MXI1: variants seen among roughly 807,000 people sequenced by gnomAD.
MXI1 encodes max-interacting protein 1.
A neutral mutation model predicts 36.9 loss-of-function variants in MXI1; 18 were observed. The ratio of observed to expected loss-of-function variants is 0.49; its 90% CI spans 0.34 to 0.72. The LOEUF (loss-of-function observed/expected upper bound fraction) is 0.72. MXI1 is among the 30% of genes least tolerant of loss of function. The probability of loss-of-function intolerance (pLI) is 0.01; values close to 1 mark genes in which losing one functional copy is unlikely to be tolerated. For synonymous variants in MXI1, 160 were observed against 146.7 expected (o/e 1.09, Z -0.65); for missense variants, 304 against 379.1 (o/e 0.80, Z 1.64).
chr10:110,239,252 A>T (rs1056569688), intron 2 of MXI1, among the ~76,000 whole-genome samples: 1 of 152,178 alleles, frequency 6.6e-6, no homozygotes, highest in African/African-American at 2.4e-5. Flanking sequence ...ATCTCCAGAC[A>T]TTGTCAGATG....
Position 110,215,812 on chromosome 10 carries a change from G to A in MXI1, c.274+7730G>A, listed in dbSNP as rs554102701. 1.3e-3 allele frequency among the ~76,000 whole-genome samples: 192 copies of A among 152,254 alleles called. 1 individual carries two copies. The highest frequency in any genetic ancestry group is 4.5e-3 in the African/African-American group (187 of 41,542). On this transcript the variant is annotated intron_variant, in intron 1 of 5. Transcript: ENST00000332674. ...TATCCCAAGCCTTGACTGAGGAGGAGGAATTCAAGTCTTGGAGGATCCTTC... is the reference window on the plus strand; with the variant it reads ...TATCCCAAGCCTTGACTGAGGAGGAAGAATTCAAGTCTTGGAGGATCCTTC...
At chr10:110,241,451 G>A (rs980505237) in intron 2 of MXI1, among the ~76,000 whole-genome samples, 1 of 151,956 alleles carries the variant, frequency 6.6e-6, no homozygotes, top group African/African-American at 2.4e-5. Context: ...CCTCAGAGAA[G>A]CAAAGGGGTT....
At chr10:110,246,312 G>A (rs1855862283) in intron 3 of MXI1, among the ~76,000 whole-genome samples, 1 of 151,942 alleles carries the variant, frequency 6.6e-6, no homozygotes, top group South Asian at 2.1e-4. Flanking sequence ...GACAGAGAGT[G>A]AGACCCTGTC....
chr10:110,248,342 T>TA lies in MXI1; in HGVS notation c.437+3496dup, dbSNP rs1290911673. ...CACATGTACCCTAAAACTTAAAGTA[T>TA]AAAAAAAAAAATCTTTGATTCAGTT... On this transcript the variant is annotated intron_variant, in intron 3 of 5. Coordinates refer to ENST00000332674, the MANE Select transcript of MXI1 (RefSeq NM_130439.3). 6.1e-3 allele frequency among the ~76,000 whole-genome samples: 903 copies of TA among 147,922 alleles called. 10 individuals carry two copies. The highest frequency in any genetic ancestry group is 0.021 in the African/African-American group (839 of 40,536).
At chr10:110,225,950 G>T (rs903788185) in intron 1 of MXI1, 6 of 920,270 alleles carry the variant, frequency 6.5e-6, no homozygotes, top group African/African-American at 1.8e-5. Context: ...GAGGGGGCGG[G>T]CCCCGGCGCT....
chr10:110,212,712 A>G (rs1050204353), intron 1 of MXI1, among the ~76,000 whole-genome samples: 1 of 152,224 alleles, frequency 6.6e-6, no homozygotes, highest in African/African-American at 2.4e-5. Context: ...AATGGGGATA[A>G]CAATAGTATG....
chr10:110,284,351 C>T (rs1857370236), intron 5 of MXI1, among the ~76,000 whole-genome samples: 2 of 152,094 alleles, frequency 1.3e-5, no homozygotes, highest in African/African-American at 4.8e-5. Context: ...GTCTGTTGAA[C>T]TATCTGTAGA....
At chr10:110,232,315 C>G (rs990043838) in intron 2 of MXI1, among the ~76,000 whole-genome samples, 1 of 152,126 alleles carries the variant, frequency 6.6e-6, no homozygotes, top group Non-Finnish European at 1.5e-5. Context: ...TACGCGTTTT[C>G]TTCTACCTCA....
At chr10:110,243,422 C>T (rs1416761558) in intron 2 of MXI1, among the ~76,000 whole-genome samples, 3 of 152,040 alleles carry the variant, frequency 2.0e-5, no homozygotes. Flanking sequence ...TCTTTTGGCC[C>T]TTAAGCTAAG....
chr10:110,225,985 C>T, intron 1 of MXI1: 1 of 981,386 alleles, frequency 1.0e-6, no homozygotes, highest in Non-Finnish European at 1.2e-6. Flanking sequence ...CCCGTGCTCG[C>T]GGGGAGAGGT....
At chr10:110,265,315 A>T (rs1243923191) in intron 3 of MXI1, among the ~76,000 whole-genome samples, 1 of 152,232 alleles carries the variant, frequency 6.6e-6, no homozygotes, top group Admixed American at 6.5e-5. Flanking sequence ...GAAATACGTT[A>T]AAACTTTAGA....
At chr10:110,230,153 A>G (rs1855207449) in intron 2 of MXI1, among the ~76,000 whole-genome samples, 1 of 152,204 alleles carries the variant, frequency 6.6e-6, no homozygotes, top group African/African-American at 2.4e-5. Flanking sequence ...TAGGAACTCA[A>G]GGATTATAGA....
chr10:110,279,264 T>C lies in MXI1; in HGVS notation c.522T>C (p.Gly174=), dbSNP rs748317777. The C allele has an allele frequency of 6.2e-7, 1 of 1,614,192 alleles. No individual in the cohort carries two copies. Among genetic ancestry groups the C allele is most frequent in the South Asian group, 1.1e-5 (1 of 91,090 alleles). ...ACTGCACCCGGCACACAACACTTGGTTTGCTCAACAAAGCCAAAGCACACA... is the reference window on the plus strand; with the variant it reads ...ACTGCACCCGGCACACAACACTTGGCTTGCTCAACAAAGCCAAAGCACACA... ...GPDCTRHTTL[G]LLNKAKAHIK... is the part of the protein sequence containing the mutation. The change falls in exon 4 of 6, where the codon GGT becomes GGC. Residue 174 remains glycine, a synonymous_variant. Transcript: ENST00000332674.
intron 1 of MXI1, among the ~76,000 whole-genome samples, chr10:110,213,157 T>C (rs1329412374): frequency 2.0e-5 from 3 of 152,156 alleles, no homozygotes; most frequent in African/African-American, 4.8e-5. Flanking sequence ...AAGAAGATGA[T>C]AGTTCAGACC....
At chr10:110,275,823 C>T (rs1307858631) in intron 3 of MXI1, among the ~76,000 whole-genome samples, 4 of 152,196 alleles carry the variant, frequency 2.6e-5, no homozygotes, top group South Asian at 2.1e-4. Context: ...ATATTAATAC[C>T]GATTTTGGAG....
At chr10:110,214,375 C>T (rs1854577660) in intron 1 of MXI1, among the ~76,000 whole-genome samples, 1 of 152,058 alleles carries the variant, frequency 6.6e-6, no homozygotes, top group South Asian at 2.1e-4. Flanking sequence ...GTTCAACTCT[C>T]CTGGCCTTAA....
chr10:110,240,675 A>G (rs1454178610), intron 2 of MXI1, among the ~76,000 whole-genome samples: 3 of 152,130 alleles, frequency 2.0e-5, no homozygotes, highest in East Asian at 1.9e-4. Flanking sequence ...CTGCTCTACT[A>G]TAGCTAAAAT....
intron 5 of MXI1, among the ~76,000 whole-genome samples, chr10:110,284,053 A>G (rs1039677971): frequency 6.6e-6 from 1 of 151,918 alleles, no homozygotes; most frequent in Non-Finnish European, 1.5e-5. Context: ...TTAGCCTCCC[A>G]AAGTGCTGGG....
At chr10:110,223,851 T>C (rs192470839) in intron 1 of MXI1, among the ~76,000 whole-genome samples, 2,159 of 151,872 alleles carry the variant, frequency 0.014, 46 homozygotes, top group African/African-American at 0.05. Context: ...TTCTGTGGCT[T>C]GCGAACACCT....
Sources: allele counts gnomAD v4.1 joint callset (sites outside exome capture counted in the v4.1 genomes callset), GRCh38; gene constraint gnomAD v4.1.1; transcripts MANE v1.5; gene names NCBI Gene and HGNC (gene_info 2026-07-23, HGNC 2026-07-21).